Variants in SH3BP2 observed in about 807,000 individuals in gnomAD.
SH3BP2 encodes SH3 domain-binding protein 2.
SH3BP2 carries 38 observed loss-of-function variants against 56.2 expected under a neutral mutation model. The observed-to-expected ratio is 0.68, with a 90% confidence interval of 0.52 to 0.89. The LOEUF is 0.89. Among genes scored for constraint, SH3BP2 ranks in the 40% least tolerant of loss-of-function variants. SH3BP2 has a pLI of 0.00. For synonymous variants in SH3BP2, 346 were observed against 316.7 expected, an observed-to-expected ratio of 1.09 and a Z score of -0.98; for missense variants, 748 against 762.6, an observed-to-expected ratio of 0.98 and a Z score of 0.23.
chr4:2,814,637 A>G (rs1335775813), intron 1 of SH3BP2, among the ~76,000 whole-genome samples: 2 of 152,164 alleles, frequency 1.3e-5, no homozygotes, highest in Non-Finnish European at 2.9e-5. Flanking sequence ...TGGCCGCCCA[A>G]CGCTGGCCCA....
rs1724975615 is a variant in SH3BP2, at chr4:2,831,389, C to T, written c.1242-182C>T. Among the ~76,000 whole-genome samples, 1 of 152,242 alleles carries T rather than the reference C, an allele frequency of 6.6e-6. No individual in the cohort carries two copies. Among genetic ancestry groups the T allele is most frequent in the Non-Finnish European group, 1.5e-5 (1 of 68,040 alleles). On this transcript the variant is annotated intron_variant, in intron 8 of 12. Transcript: ENST00000503393. This position sits in a 1 kb window ranked among gnomAD's most constrained non-coding sequence, Gnocchi z 4.1. ...TCCGGTGTCGGGCGATTCCTGCTGT[C>T]CCAGGGCAGTCGGCACGAGCCCTAC...
rs1273647208 is a variant in SH3BP2 at position 2,810,394 on chromosome 4, T to A, written c.-4-10220T>A. Among the ~76,000 whole-genome samples the A allele has an allele frequency of 6.6e-6, 1 of 151,282 alleles. No individual in the cohort carries two copies. The highest frequency in any genetic ancestry group is 2.4e-5 in the African/African-American group (1 of 41,082). On this transcript the variant is annotated intron_variant, in intron 1 of 12. Transcript: ENST00000503393. This position sits in a 1 kb window ranked among gnomAD's most constrained non-coding sequence, Gnocchi z 4.2. ...GCCAGGGTCAGGTGGGTCTTCTGCT[T>A]GCTTCTGCCTCTGCCGAGTCTATGA...
At chr4:2,805,664 C>T (rs1263716133) in intron 1 of SH3BP2, among the ~76,000 whole-genome samples, 1 of 152,174 alleles carries the variant, frequency 6.6e-6, no homozygotes, top group Admixed American at 6.5e-5. Context: ...CTGAAAATGC[C>T]ACAGCGTCGG....
chr4:2,830,449 C>T (rs1301677490), intron 8 of SH3BP2, among the ~76,000 whole-genome samples: 2 of 152,188 alleles, frequency 1.3e-5, no homozygotes, highest in Non-Finnish European at 2.9e-5. Context: ...GCAACCTCCA[C>T]CTCCGGGGTT....
Position 2,834,176 on chromosome 4 carries a change from G to A in SH3BP2, c.*342G>A. ...CACCCCTAAGTGGGCTGGGAGCCAGGCAGGGCCAGGGCAGCTGGGTGGGGG... is the reference window on the plus strand; with the variant it reads ...CACCCCTAAGTGGGCTGGGAGCCAGACAGGGCCAGGGCAGCTGGGTGGGGG... On this transcript the variant is annotated 3_prime_UTR_variant, in exon 13 of 13. Transcript: ENST00000503393. 1 of 244,342 alleles carries A rather than the reference G, an allele frequency of 4.1e-6. No individual in the cohort carries two copies. Among genetic ancestry groups the A allele is most frequent in the Non-Finnish European group, 7.9e-6 (1 of 126,016 alleles). 15.1% of individuals were successfully genotyped at this position (244,342 alleles called of 1,614,324 possible). A position where few individuals can be genotyped will look rare whatever the true frequency, so the allele number is the denominator to read the frequency against.
At chr4:2,815,448 C>G (rs957993907) in intron 1 of SH3BP2, among the ~76,000 whole-genome samples, 3 of 152,212 alleles carry the variant, frequency 2.0e-5, no homozygotes, top group African/African-American at 7.2e-5. Context: ...TTCATCCTGC[C>G]CACAGCGGGA....
At chr4:2,804,374 C>T (rs1165984193) in intron 1 of SH3BP2, among the ~76,000 whole-genome samples, 1 of 152,194 alleles carries the variant, frequency 6.6e-6, no homozygotes, top group Non-Finnish European at 1.5e-5. Context: ...AGCACCAGAC[C>T]ACTCTTTCTT....
intron 1 of SH3BP2, among the ~76,000 whole-genome samples, 198 bp downstream of exon 1, chr4:2,793,336 T>C (rs1166328422): frequency 7.8e-6 from 1 of 128,198 alleles, no homozygotes; most frequent in African/African-American, 3.1e-5. Flanking sequence ...GTCTCAGGGG[T>C]CCCGGCAGGT....
intron 1 of SH3BP2, among the ~76,000 whole-genome samples, chr4:2,813,971 C>A (rs1209585098): frequency 2.6e-5 from 4 of 152,216 alleles, no homozygotes; most frequent in African/African-American, 9.6e-5. Flanking sequence ...CCCCAACTTG[C>A]CCTGTGGCTC....
At chr4:2,826,618 G>A (rs999409456) in intron 5 of SH3BP2, 5 of 334,948 alleles carry the variant, frequency 1.5e-5, no homozygotes, top group African/African-American at 9.1e-5. Context: ...GTTTGTGTGT[G>A]CATGTCTGCG....
intron 1 of SH3BP2, chr4:2,796,413 G>A (rs1440209154): frequency 3.0e-6 from 3 of 985,370 alleles, no homozygotes; most frequent in African/African-American, 1.7e-5. Context: ...GTCAGGCCCT[G>A]CTTGGTTTCC....
Position 2,827,588 on chromosome 4 carries a change from C to A in SH3BP2, c.518-18C>A, listed in dbSNP as rs74503655. The A allele has an allele frequency of 2.8e-3, 4,443 of 1,580,026 alleles. 113 individuals are homozygous for A. In the African/African-American group the frequency reaches 0.051, roughly 18 times the overall value. On this transcript the variant is annotated intron_variant, in intron 6 of 12. Coordinates refer to ENST00000503393, the MANE Select transcript of SH3BP2 (RefSeq NM_001122681.2). ...CCTGGGCCGGTTTGGCTCTCACCAC[C>A]CCCCTCTCCCCATGCAGACTATGAG...
chr4:2,811,302 C>A (rs563064254), intron 1 of SH3BP2, among the ~76,000 whole-genome samples: 361 of 152,290 alleles, frequency 2.4e-3, no homozygotes, highest in Middle Eastern at 0.01. Context: ...GGGGGCCGTG[C>A]CCTAGGAAGC....
intron 1 of SH3BP2, among the ~76,000 whole-genome samples, chr4:2,799,625 G>A (rs1723177868): frequency 6.6e-6 from 1 of 152,218 alleles, no homozygotes; most frequent in African/African-American, 2.4e-5. Flanking sequence ...GGCATCAAGG[G>A]GACAGCTATT....
intron 1 of SH3BP2, among the ~76,000 whole-genome samples, chr4:2,794,892 G>C (rs1366436282): frequency 6.6e-6 from 1 of 152,242 alleles, no homozygotes; most frequent in African/African-American, 2.4e-5. Flanking sequence ...GGGGCCCAGA[G>C]AGACGAGATG....
intron 1 of SH3BP2, among the ~76,000 whole-genome samples, chr4:2,802,548 ATATATGTG>A (rs1560095996): frequency 1.4e-5 from 2 of 143,348 alleles, no homozygotes; most frequent in African/African-American, 2.7e-5. Context: ...GTGTGTGTAT[ATATATGTG>A]TATATATGTA....
intron 1 of SH3BP2, among the ~76,000 whole-genome samples, chr4:2,793,469 G>A (rs1469586102): frequency 2.0e-5 from 3 of 151,220 alleles, no homozygotes; most frequent in Non-Finnish European, 4.4e-5. Flanking sequence ...GGACGCACGG[G>A]GCCTGGGCAC....
Position 2,826,658 on chromosome 4 carries a change from G to A in SH3BP2, c.429-572G>A, listed in dbSNP as rs578041038. On this transcript the variant is annotated intron_variant, in intron 5 of 12. Coordinates refer to ENST00000503393, the MANE Select transcript of SH3BP2 (RefSeq NM_001122681.2). The stretch of plus-strand genomic sequence containing the variant: ...GCTCTGTGTGTGTGTGCATGTCCAC[G>A]TGTTGCTCTGTGTGTGTGCATGTCC... The A allele has an allele frequency of 1.9e-4, 65 of 342,982 alleles. 2 individuals carry two copies. Among genetic ancestry groups the A allele is most frequent in the Middle Eastern group, 1.1e-3 (1 of 920 alleles). The allele number at this position is 342,982 out of a possible 1,614,324, so 21.2% of individuals were successfully genotyped here.
chr4:2,829,167 G>A lies in SH3BP2; in HGVS notation c.587-326G>A, dbSNP rs904839506. ...CCGTCCTCCCTCTCGCTCCAGCCGA[G>A]CCCTGAGATCCTTCTTGACTTCTCT... On this transcript the variant is annotated intron_variant, in intron 7 of 12. Coordinates refer to ENST00000503393, the MANE Select transcript of SH3BP2 (RefSeq NM_001122681.2). This position sits in a 1 kb window ranked among gnomAD's most constrained non-coding sequence, Gnocchi z 4.9. Among the ~76,000 whole-genome samples the A allele has an allele frequency of 2.0e-5, 3 of 152,146 alleles. No homozygotes were observed. The highest frequency in any genetic ancestry group is 1.3e-4 in the Admixed American group (2 of 15,268).
Sources: allele counts gnomAD v4.1 joint callset (sites outside exome capture counted in the v4.1 genomes callset), GRCh38; gene constraint gnomAD v4.1.1; non-coding constraint Gnocchi (gnomAD v3.1); transcripts MANE v1.5; gene names NCBI Gene and HGNC (gene_info 2026-07-23, HGNC 2026-07-21).